The following CPEB2 variants were observed in gnomAD, a reference collection of about 807,000 sequenced individuals.
CPEB2 encodes cytoplasmic polyadenylation element-binding protein 2.
A neutral mutation model predicts 93.6 loss-of-function variants in CPEB2; 56 were observed. The ratio of observed to expected loss-of-function variants is 0.60; its 90% CI spans 0.48 to 0.75. The LOEUF (loss-of-function observed/expected upper bound fraction) is 0.75, where lower values mean the gene tolerates loss of function less well. Ranked by LOEUF, CPEB2 falls within the 30% of genes least tolerant of loss-of-function variation. The probability of loss-of-function intolerance (pLI) is 0.00; values close to 1 mark genes in which losing one functional copy is unlikely to be tolerated. For missense variants in CPEB2, 1,579 were observed against 1,395.1 expected (o/e 1.13, Z -2.10); for synonymous variants, 764 against 586.3 (o/e 1.30, Z -4.38).
rs1577405955 is a variant in CPEB2, at chr4:15,029,031, A to T, written c.2126-4130A>T. Among the ~76,000 whole-genome samples the T allele has an allele frequency of 2.0e-5, 3 of 152,096 alleles. No individual in the cohort carries two copies. In the South Asian group the frequency reaches 6.2e-4, roughly 32 times the overall value. On this transcript the variant is annotated intron_variant, in intron 4 of 11. Coordinates refer to ENST00000538197, the MANE Select transcript of CPEB2 (RefSeq NM_001177382.2). ...TCCAGGACCACCCAGAGATACCAAG[A>T]TCGGCAATGCTCAAGTCCCTTATGT...
rs765120125 is a variant in CPEB2 at position 15,002,881 on chromosome 4, G to C, written c.208G>C (p.Gly70Arg). The change falls in exon 1 of 12, where the codon GGC (glycine) becomes CGC (arginine). Residue 70 changes from glycine (G) to arginine (R), a missense_variant. Physicochemically the swap from Gly to Arg is moderately radical, Grantham distance 125. Coordinates refer to ENST00000538197, the MANE Select transcript of CPEB2 (RefSeq NM_001177382.2). ...CGCCTCCCCCTTCTCCGTCCCCCTC[G>C]GCGGCGGCGCGGGCAGCCCGGCCGC... Reference protein sequence around the residue: ...EAASPFSVPLGGGAGSPAAAA... With the variant: ...EAASPFSVPLRGGAGSPAAAA... The C allele has an allele frequency of 2.0e-6, 3 of 1,518,236 alleles. No homozygotes were observed. The highest frequency in any genetic ancestry group is 1.2e-5 in the South Asian group (1 of 81,498). The allele number at this position is 1,518,236 out of a possible 1,614,324, so 94.0% of individuals were successfully genotyped here. A position where few individuals can be genotyped will look rare whatever the true frequency, so the allele number is the denominator to read the frequency against.
At position 15,002,732 on chromosome 4, in the gene CPEB2, G is replaced by A. The variant is rs576831724; in HGVS notation, c.59G>A (p.Gly20Glu). The A allele has an allele frequency of 2.0e-6, 3 of 1,534,556 alleles. No individual in the cohort carries two copies. Among genetic ancestry groups the A allele is most frequent in the African/African-American group, 1.4e-5 (1 of 72,922 alleles). ...QTAPLRSSSP[G>E]PLFCGEAYGP... ...GCCCCGCTCCGAAGTAGCAGTCCTG[G>A]GCCCCTGTTCTGCGGCGAGGCGTAT... Residue 20 changes from glycine (G) to glutamate (E), a missense_variant, in exon 1 of 12, where the codon GGG becomes GAG. Physicochemically the swap from Gly to Glu is moderately conservative, Grantham distance 98. Coordinates refer to ENST00000538197, the MANE Select transcript of CPEB2 (RefSeq NM_001177382.2).
In CPEB2 at chr4:15,003,148, C is replaced by A. The variant is rs1234127801; in HGVS notation, c.475C>A (p.Arg159Ser). ...CTCCGCCTCCTCCTGCTGCTGCTGC[C>A]GCACCTCCTCCCCGCAGGACTTCAG... ...SSSASSCCCC[R>S]TSSPQDFSKR... The change falls in exon 1 of 12, where the codon CGC (arginine) becomes AGC (serine). Residue 159 changes from arginine (R) to serine (S), a missense_variant. Physicochemically the swap from Arg to Ser is moderately radical, Grantham distance 110. This residue lies in a region of CPEB2 where 1,411 missense variants were observed against 1,056.0 expected (regional missense o/e 1.34). Coordinates refer to ENST00000538197, the MANE Select transcript of CPEB2 (RefSeq NM_001177382.2). The A allele has an allele frequency of 6.5e-7, 1 of 1,533,610 alleles. No individual in the cohort carries two copies.
intron 6 of CPEB2, among the ~76,000 whole-genome samples, chr4:15,042,023 T>G (rs1457859488): frequency 1.3e-5 from 2 of 152,184 alleles, no homozygotes; most frequent in African/African-American, 4.8e-5. Context: ...TTTAGAAGTT[T>G]AGTACCTATT....
At chr4:15,047,658 G>A (rs1446434118) in intron 6 of CPEB2, among the ~76,000 whole-genome samples, 4 of 151,890 alleles carry the variant, frequency 2.6e-5, no homozygotes, top group Admixed American at 6.5e-5. Context: ...AATTTTACAT[G>A]TACAATTATG....
At chr4:15,031,780 A>G (rs976676621) in intron 4 of CPEB2, among the ~76,000 whole-genome samples, 5 of 152,312 alleles carry the variant, frequency 3.3e-5, no homozygotes, top group Non-Finnish European at 7.3e-5. Flanking sequence ...TAGTGTCAAA[A>G]TTGGATTATT....
rs372512339 is a variant in CPEB2 at position 15,055,389 on chromosome 4, AGAGAT to A, written c.2461+1174_2461+1178del. Among the ~76,000 whole-genome samples the A allele has an allele frequency of 1.2e-4, 18 of 152,306 alleles. 1 individual carries two copies. The South Asian group carries it at 3.7e-3, about 32-fold the overall frequency. Reference sequence around the variant, plus strand: ...GACAGGAAATTATCTCCACATAGATAGAGATGTTTATTTATTAGCTTAGTTTTAGT... The same window carrying A: ...GACAGGAAATTATCTCCACATAGATAGTTTATTTATTAGCTTAGTTTTAGT... On this transcript the variant is annotated intron_variant, in intron 8 of 11. Coordinates refer to ENST00000538197, the MANE Select transcript of CPEB2 (RefSeq NM_001177382.2).
At chr4:15,056,603 GTTC>G (rs1283509932) in intron 8 of CPEB2, among the ~76,000 whole-genome samples, 1 of 152,096 alleles carries the variant, frequency 6.6e-6, no homozygotes, top group Admixed American at 6.6e-5. Context: ...CCCAAACCTT[GTTC>G]TTTCAAGCAA....
Position 15,003,678 on chromosome 4 carries a change from C to G in CPEB2, c.1005C>G (p.Gly335=). 1.4e-6 allele frequency: 2 copies of G among 1,461,844 alleles called. No individual in the cohort carries two copies. The highest frequency in any genetic ancestry group is 1.3e-5 in the South Asian group (1 of 77,264). The allele number at this position is 1,461,844 out of a possible 1,614,324, so 90.6% of individuals were successfully genotyped here. A position where few individuals can be genotyped will look rare whatever the true frequency, so the allele number is the denominator to read the frequency against. Residue 335 remains glycine, a synonymous_variant, in exon 1 of 12, where the codon GGC becomes GGG. Transcript: ENST00000538197. ...PSNLLPGGAL[G]AGAFSSLQSP... is the part of the protein sequence containing the mutation. The stretch of plus-strand genomic sequence containing the variant: ...ACCTCCTGCCCGGAGGTGCGCTTGG[C>G]GCGGGCGCCTTCAGCAGCCTGCAGA...
chr4:15,059,350 C>A, intron 10 of CPEB2, 49 bp downstream of exon 10: 1 of 1,193,186 alleles, frequency 8.4e-7, no homozygotes, highest in South Asian at 1.3e-5. Context: ...TTAAATATGT[C>A]CTAGTCAATT....
chr4:15,004,158 C>G lies in CPEB2; in HGVS notation c.1485C>G (p.Thr495=). 1 of 1,441,680 alleles carries G rather than the reference C, an allele frequency of 6.9e-7. No individual in the cohort carries two copies. The highest frequency in any genetic ancestry group is 9.0e-7 in the Non-Finnish European group (1 of 1,105,894). 89.3% of individuals were successfully genotyped at this position (1,441,680 alleles called of 1,614,324 possible). ...GCTTCGGCGGCCCCTTCTCGGCTAC[C>G]GCTGTGCCCCCTCCGCCGCCGCCCG... is the stretch of plus-strand genomic sequence containing the variant. ...GGGFGGPFSA[T]AVPPPPPPAM... Residue 495 remains threonine, a synonymous_variant, in exon 1 of 12, where the codon ACC becomes ACG. Transcript: ENST00000538197.
rs1402282710 is a variant in CPEB2 at position 15,002,998 on chromosome 4, C to A, written c.325C>A (p.Leu109Ile). The change falls in exon 1 of 12, where the codon CTT becomes ATT. Residue 109 changes from leucine to isoleucine, a missense_variant. Around this residue, in one of 2 missense-constraint regions of CPEB2, gnomAD observed 1,411 missense variants for 1,056.0 expected, o/e 1.34. Coordinates refer to ENST00000538197, the MANE Select transcript of CPEB2 (RefSeq NM_001177382.2). ...LGLTQQPARP[L>I]SGAAATEKLP... ...GCTGACACAGCAGCCGGCGCGGCCG[C>A]TTTCGGGGGCGGCGGCCACGGAGAA... 1 of 1,498,432 alleles carries A rather than the reference C, an allele frequency of 6.7e-7. No individual in the cohort carries two copies. The allele number at this position is 1,498,432 out of a possible 1,614,324, so 92.8% of individuals were successfully genotyped here.
At chr4:15,021,058 C>T (rs542484647) in intron 4 of CPEB2, among the ~76,000 whole-genome samples, 2 of 152,214 alleles carry the variant, frequency 1.3e-5, no homozygotes, top group South Asian at 4.1e-4. Context: ...AGGAGGCTAG[C>T]CCTGGCATAG....
intron 4 of CPEB2, among the ~76,000 whole-genome samples, chr4:15,026,350 C>T (rs1302433422): frequency 2.0e-5 from 3 of 151,914 alleles, no homozygotes; most frequent in Non-Finnish European, 4.4e-5. Context: ...CCTCAGCTTC[C>T]CAAGTAACTG....
At chr4:15,045,932 A>G (rs1727635107) in intron 6 of CPEB2, among the ~76,000 whole-genome samples, 3 of 152,222 alleles carry the variant, frequency 2.0e-5, no homozygotes, top group Admixed American at 6.5e-5. Context: ...AATTACAATT[A>G]GTAGTTTTTA....
intron 4 of CPEB2, among the ~76,000 whole-genome samples, chr4:15,027,880 T>G (rs1465367569): frequency 3.9e-5 from 6 of 152,180 alleles, no homozygotes; most frequent in Admixed American, 6.5e-5. Context: ...TATTTACCCT[T>G]ATTTTACAGT....
chr4:15,059,838 G>A (rs916892020), intron 10 of CPEB2, among the ~76,000 whole-genome samples: 1 of 152,068 alleles, frequency 6.6e-6, no homozygotes, highest in African/African-American at 2.4e-5. Flanking sequence ...ATGGTACTGT[G>A]CACCATGTGT....
chr4:15,034,656 C>T (rs1213927528), intron 5 of CPEB2, among the ~76,000 whole-genome samples: 1 of 152,046 alleles, frequency 6.6e-6, no homozygotes, highest in African/African-American at 2.4e-5. Flanking sequence ...GTGTTTACAT[C>T]AGGAAAAGAA....
In CPEB2 at chr4:15,003,311, C is replaced by A; in HGVS notation, c.638C>A (p.Pro213Gln). The A allele has an allele frequency of 7.0e-7, 1 of 1,427,582 alleles. No individual in the cohort carries two copies. The highest frequency in any genetic ancestry group is 9.1e-7 in the Non-Finnish European group (1 of 1,104,320). 88.4% of individuals were successfully genotyped at this position (1,427,582 alleles called of 1,614,324 possible). Reference protein sequence around the residue: ...HCPGRFSPPPPPAGPLLQPAQ... With the variant: ...HCPGRFSPPPQPAGPLLQPAQ... ...CCCGGTCGGTTCAGCCCGCCGCCGC[C>A]GCCAGCCGGCCCGCTCCTCCAGCCG... Residue 213 changes from proline to glutamine, a missense_variant, in exon 1 of 12, where the codon CCG becomes CAG. This residue lies in a region of CPEB2 where 1,411 missense variants were observed against 1,056.0 expected (regional missense o/e 1.34). Coordinates refer to ENST00000538197, the MANE Select transcript of CPEB2 (RefSeq NM_001177382.2).
Sources: gnomAD v4.1 joint callset for allele counts (sites outside exome capture counted in the v4.1 genomes callset) on GRCh38, gnomAD v4.1.1 for gene constraint, gnomAD v4.1.1 regional missense constraint, MANE v1.5 for transcripts, NCBI Gene and HGNC (gene_info 2026-07-23, HGNC 2026-07-21) for gene names.